SYNE1: variants seen among roughly 807,000 people sequenced by gnomAD.
SYNE1 encodes spectrin repeat containing nuclear envelope protein 1, also known as nesprin-1.
A neutral mutation model predicts 1,111.0 loss-of-function variants in SYNE1; 616 were observed. That is an observed-to-expected ratio of 0.55 (90% CI 0.52 to 0.59). The LOEUF is 0.59. Among genes scored for constraint, SYNE1 ranks in the 20% least tolerant of loss-of-function variants. SYNE1 has a pLI of 0.00. For missense variants in SYNE1, 10,006 were observed against 10,417.0 expected, an observed-to-expected ratio of 0.96 and a Z score of 1.72; for synonymous variants, 3,855 against 3,825.8, an observed-to-expected ratio of 1.01 and a Z score of -0.28.
intron 14 of SYNE1, 122 bp downstream of exon 14, chr6:152,482,963 C>T (rs1002010118): frequency 1.6e-5 from 18 of 1,096,478 alleles, no homozygotes; most frequent in South Asian, 5.0e-5. Flanking sequence ...GAAGGTGTGA[C>T]GTCTCCGATC....
chr6:152,362,294 G>A lies in SYNE1; in HGVS notation c.10175C>T (p.Thr3392Ile). Residue 3392 changes from threonine (T) to isoleucine (I), a missense_variant, in exon 64 of 146, where the codon ACA (threonine) becomes ATA (isoleucine). Thr to Ile is a moderately conservative substitution (Grantham distance 89, BLOSUM62 -1). Around this residue, in one of 7 missense-constraint regions of SYNE1, gnomAD observed 4,955 missense variants for 5,017.2 expected, o/e 0.99. Transcript: ENST00000367255. ...CTGTCGAACGCCATCCTGATAACTT[G>A]TCCACTTGGAGAGAGCTCCTTCGAG... ...SQLEGALSKW[T>I]SYQDGVRQFS... The A allele has an allele frequency of 6.2e-7, 1 of 1,614,194 alleles. No homozygotes were observed.
At chr6:152,255,561 A>G (rs371240783) in intron 103 of SYNE1, 30 bp downstream of exon 103, 126 of 1,612,826 alleles carry the variant, frequency 7.8e-5, no homozygotes, top group East Asian at 1.8e-4. Context: ...GTAATGTTAT[A>G]CACACACAGG....
intron 128 of SYNE1, among the ~76,000 whole-genome samples, chr6:152,185,981 G>A (rs2635436): frequency 0.63 from 96,109 of 152,092 alleles, 32,142 homozygotes; most frequent in African/African-American, 0.87. Context: ...GTAAGTATGA[G>A]GAAATAGAAT....
At chr6:152,228,457 A>T (rs2082073604) in intron 115 of SYNE1, among the ~76,000 whole-genome samples, 1 of 152,172 alleles carries the variant, frequency 6.6e-6, no homozygotes, top group African/African-American at 2.4e-5. Flanking sequence ...CTCCCTGTTA[A>T]ATAGAAGAAA....
intron 101 of SYNE1, 138 bp from the exon 102 acceptor site, chr6:152,256,903 A>G: frequency 7.6e-7 from 1 of 1,313,044 alleles, no homozygotes. Context: ...AACTTCTACA[A>G]CATACCATGT....
intron 131 of SYNE1, among the ~76,000 whole-genome samples, chr6:152,160,068 G>A (rs1200052143): frequency 6.6e-6 from 1 of 151,648 alleles, no homozygotes; most frequent in African/African-American, 2.4e-5. Flanking sequence ...GTACAGTGGC[G>A]CGATCTCCGC....
intron 6 of SYNE1, among the ~76,000 whole-genome samples, chr6:152,518,477 C>T (rs986431822): frequency 7.2e-5 from 11 of 151,860 alleles, no homozygotes; most frequent in Non-Finnish European, 1.5e-4. Flanking sequence ...ATGTGACGTC[C>T]CTGCTCCCCT....
At position 152,621,861 on chromosome 6, in the gene SYNE1, G is replaced by A. The variant is rs560686782; in HGVS notation, c.67+6404C>T. Among the ~76,000 whole-genome samples, 8 of 152,166 alleles carry A rather than the reference G, an allele frequency of 5.3e-5. No individual in the cohort carries two copies. The East Asian group carries it at 1.5e-3, about 29-fold the overall frequency. On this transcript the variant is annotated intron_variant, in intron 3 of 145. Transcript: ENST00000367255. ...AACAACAAACACATCACTCATTCAGGCAAGATGTGTATCTTTAAACTGATT... is the reference window on the plus strand; with the variant it reads ...AACAACAAACACATCACTCATTCAGACAAGATGTGTATCTTTAAACTGATT...
At chr6:152,185,734 A>G (rs1310628549) in intron 128 of SYNE1, among the ~76,000 whole-genome samples, 1 of 152,250 alleles carries the variant, frequency 6.6e-6, no homozygotes, top group Non-Finnish European at 1.5e-5. Flanking sequence ...TATTTACAGC[A>G]TATCGCATGA....
At chr6:152,204,357 C>G (rs1587749003) in intron 126 of SYNE1, among the ~76,000 whole-genome samples, 1 of 137,510 alleles carries the variant, frequency 7.3e-6, no homozygotes, top group South Asian at 2.3e-4. Context: ...CACAGGGAGA[C>G]TCTATGTCAA....
chr6:152,308,557 C>T lies in SYNE1; in HGVS notation c.17278G>A (p.Glu5760Lys). The change falls in exon 91 of 146, where the codon GAG (glutamate) becomes AAG (lysine). Residue 5760 changes from glutamate (E) to lysine (K), a missense_variant. Glu to Lys is a moderately conservative substitution (Grantham distance 56). Transcript: ENST00000367255. ...GTGGCAACAGGTTTATCCTCAATCT[C>T]TCTGTGAGCTCCTTCTATCAGTTGC... Reference protein sequence around the residue: ...LQQLIEGAHREIEDKPVATSN... With the variant: ...LQQLIEGAHRKIEDKPVATSN... 1.2e-6 allele frequency: 2 copies of T among 1,613,788 alleles called. No individual in the cohort carries two copies. Among genetic ancestry groups the T allele is most frequent in the Non-Finnish European group, 1.7e-6 (2 of 1,180,008 alleles).
chr6:152,298,277 G>T (rs1409197781), intron 93 of SYNE1, among the ~76,000 whole-genome samples: 4 of 152,190 alleles, frequency 2.6e-5, no homozygotes, highest in Admixed American at 2.6e-4. Context: ...CTCAGTGTGA[G>T]CTTTTAACTT....
At chr6:152,446,827 A>G (rs901247647) in intron 29 of SYNE1, among the ~76,000 whole-genome samples, 3 of 152,226 alleles carry the variant, frequency 2.0e-5, no homozygotes, top group Admixed American at 2.0e-4. Flanking sequence ...AAAGGAATAT[A>G]GAAAAACATT....
intron 56 of SYNE1, 85 bp from the exon 57 acceptor site, chr6:152,376,997 T>C: frequency 6.6e-7 from 1 of 1,511,230 alleles, no homozygotes; most frequent in East Asian, 2.3e-5. Context: ...TCAATCATAT[T>C]ATAAATTATT....
At chr6:152,236,756 T>C (rs1588440207) in intron 109 of SYNE1, 61 bp downstream of exon 109, 2 of 1,599,398 alleles carry the variant, frequency 1.3e-6, no homozygotes. Flanking sequence ...CAAGTTTGTT[T>C]ACATTCTGTT....
chr6:152,562,865 T>A (rs531461873), intron 3 of SYNE1, among the ~76,000 whole-genome samples: 21 of 152,354 alleles, frequency 1.4e-4, no homozygotes, highest in Admixed American at 1.2e-3. Flanking sequence ...TCACTATAAA[T>A]GCTGGTTTTA....
chr6:152,491,675 T>C (rs1188221030), intron 11 of SYNE1, among the ~76,000 whole-genome samples: 1 of 152,228 alleles, frequency 6.6e-6, no homozygotes, highest in Non-Finnish European at 1.5e-5. Flanking sequence ...TGGTCTGAGA[T>C]GCCTGACATC....
chr6:152,176,276 G>T (rs1586903584), intron 130 of SYNE1, 118 bp downstream of exon 130: 1 of 1,402,816 alleles, frequency 7.1e-7, no homozygotes, highest in East Asian at 2.3e-5. Context: ...TTTTGAAAAT[G>T]GTGAGATAAC....
chr6:152,222,874 C>T (rs372244936), intron 117 of SYNE1, among the ~76,000 whole-genome samples: 3 of 152,142 alleles, frequency 2.0e-5, no homozygotes, highest in African/African-American at 7.2e-5. Context: ...TTGCTTAAAG[C>T]AAAGAATATT....
Sources: gnomAD v4.1 joint callset for allele counts (sites outside exome capture counted in the v4.1 genomes callset) on GRCh38, gnomAD v4.1.1 for gene constraint, gnomAD v4.1.1 regional missense constraint, MANE v1.5 for transcripts, NCBI Gene and HGNC (gene_info 2026-07-23, HGNC 2026-07-21) for gene names.